CHRM3: variants seen among roughly 807,000 people sequenced by gnomAD.
The protein encoded by CHRM3 is cholinergic receptor muscarinic 3.
A neutral mutation model predicts 41.8 loss-of-function variants in CHRM3; 11 were observed. That is an observed-to-expected ratio of 0.26 (90% CI 0.17 to 0.44). The LOEUF (loss-of-function observed/expected upper bound fraction) is 0.44, where lower values mean the gene tolerates loss of function less well. CHRM3 is among the 20% of genes least tolerant of loss of function. The pLI is 1.00. For synonymous variants in CHRM3, 297 were observed against 301.4 expected, an observed-to-expected ratio of 0.99 and a Z score of 0.15; for missense variants, 571 against 745.4, an observed-to-expected ratio of 0.77 and a Z score of 2.72.
intron 6 of CHRM3, among the ~76,000 whole-genome samples, chr1:239,888,493 T>C (rs1326847305): frequency 6.6e-6 from 1 of 151,198 alleles, no homozygotes; most frequent in Non-Finnish European, 1.5e-5. Flanking sequence ...CTCAGGAGGC[T>C]GAGGCAGGAG....
At chr1:239,636,075 T>G (rs1035113236) in intron 4 of CHRM3, among the ~76,000 whole-genome samples, 3 of 152,164 alleles carry the variant, frequency 2.0e-5, no homozygotes, top group Non-Finnish European at 4.4e-5. Context: ...GGATCTTTAC[T>G]CAGTGGCATT....
intron 5 of CHRM3, among the ~76,000 whole-genome samples, chr1:239,809,630 TG>T (rs1670955044): frequency 6.6e-6 from 1 of 152,218 alleles, no homozygotes; most frequent in South Asian, 2.1e-4. Context: ...CCCAAGTAGC[TG>T]GGACTACAGG....
intron 1 of CHRM3, among the ~76,000 whole-genome samples, chr1:239,487,478 C>T (rs1667251475): frequency 6.6e-6 from 1 of 151,864 alleles, no homozygotes; most frequent in Non-Finnish European, 1.5e-5. Context: ...ACAATAGCAA[C>T]AAAAAGTATA....
At chr1:239,570,255 C>A (rs1361220723) in intron 3 of CHRM3, among the ~76,000 whole-genome samples, 4 of 152,116 alleles carry the variant, frequency 2.6e-5, no homozygotes, top group African/African-American at 9.7e-5. Flanking sequence ...GTCCTTCCTG[C>A]CACCTTGTGA....
chr1:239,835,003 C>T (rs377704499), intron 6 of CHRM3, among the ~76,000 whole-genome samples: 2 of 152,038 alleles, frequency 1.3e-5, no homozygotes, highest in Admixed American at 6.6e-5. Context: ...TGGTTATAGG[C>T]GAATTAGTTC....
chr1:239,901,813 G>T (rs1017452540), intron 6 of CHRM3, among the ~76,000 whole-genome samples: 1 of 152,078 alleles, frequency 6.6e-6, no homozygotes, highest in Non-Finnish European at 1.5e-5. Context: ...TCAGTTAATA[G>T]CCTTGGGCGT....
At chr1:239,565,917 T>C (rs114387911) in intron 3 of CHRM3, among the ~76,000 whole-genome samples, 5,124 of 147,614 alleles carry the variant, frequency 0.035, 101 homozygotes, top group Middle Eastern at 0.056. Flanking sequence ...TTTCTTTTTT[T>C]TTTTTTTTTT....
At chr1:239,878,217 G>A (rs954600509) in intron 6 of CHRM3, among the ~76,000 whole-genome samples, 16 of 151,926 alleles carry the variant, frequency 1.1e-4, no homozygotes, top group African/African-American at 3.4e-4. Flanking sequence ...TCACCATAAT[G>A]TAGAAGCAGT....
At chr1:239,829,541 CA>C (rs1466793463) in intron 6 of CHRM3, among the ~76,000 whole-genome samples, 1 of 151,958 alleles carries the variant, frequency 6.6e-6, no homozygotes, top group East Asian at 1.9e-4. Flanking sequence ...CTTTCTATAC[CA>C]AAAAAGCATG....
chr1:239,667,001 G>T (rs962630812), intron 4 of CHRM3, among the ~76,000 whole-genome samples: 3 of 152,118 alleles, frequency 2.0e-5, no homozygotes, highest in Non-Finnish European at 4.4e-5. Context: ...GACACGATTT[G>T]TTCTTTTTTA....
chr1:239,570,531 CT>C (rs1661730602), intron 3 of CHRM3, among the ~76,000 whole-genome samples: 1 of 152,176 alleles, frequency 6.6e-6, no homozygotes, highest in South Asian at 2.1e-4. Flanking sequence ...ATGTTTGTTA[CT>C]AACATCAACT....
rs145288753 is a variant in CHRM3, at chr1:239,520,134, T to C, written c.-421-25507T>C. On this transcript the variant is annotated intron_variant, in intron 2 of 6. Transcript: ENST00000676153. ...CTCAGTCATTGCTGAGGAAGAATTA[T>C]TTTGTTTAACCCTCATAATATATTA... is the stretch of plus-strand genomic sequence containing the variant. Among the ~76,000 whole-genome samples the C allele has an allele frequency of 1.2e-4, 18 of 152,354 alleles. No individual in the cohort carries two copies. In the East Asian group the frequency reaches 1.5e-3, roughly 13 times the overall value.
At chr1:239,558,805 ACTT>A in intron 3 of CHRM3, among the ~76,000 whole-genome samples, 1 of 152,312 alleles carries the variant, frequency 6.6e-6, no homozygotes, top group East Asian at 1.9e-4. Context: ...ACCTGAGTCA[ACTT>A]CTTGCTTTAT....
intron 5 of CHRM3, among the ~76,000 whole-genome samples, chr1:239,780,282 A>C (rs547831361): frequency 5.3e-5 from 8 of 152,116 alleles, no homozygotes; most frequent in Non-Finnish European, 1.0e-4. Flanking sequence ...CCATATCCTC[A>C]CCAACATTTG....
At chr1:239,551,811 C>T (rs990454236) in intron 3 of CHRM3, among the ~76,000 whole-genome samples, 1 of 152,092 alleles carries the variant, frequency 6.6e-6, no homozygotes, top group African/African-American at 2.4e-5. Context: ...ACTCAGATTT[C>T]ACAGATGGCT....
intron 2 of CHRM3, among the ~76,000 whole-genome samples, chr1:239,524,430 A>ATT (rs1216563087): frequency 6.8e-6 from 1 of 147,466 alleles, no homozygotes; most frequent in African/African-American, 2.5e-5. Flanking sequence ...GTGGTAGTTT[A>ATT]TTTTTTTTTT....
At chr1:239,483,432 A>G (rs1666990626) in intron 1 of CHRM3, among the ~76,000 whole-genome samples, 2 of 152,170 alleles carry the variant, frequency 1.3e-5, no homozygotes, top group African/African-American at 4.8e-5. Context: ...GCTCTTCACT[A>G]TTGGACTTCC....
intron 6 of CHRM3, among the ~76,000 whole-genome samples, chr1:239,850,406 G>A (rs1055905239): frequency 2.0e-5 from 3 of 152,084 alleles, no homozygotes; most frequent in African/African-American, 7.2e-5. Flanking sequence ...GGAGGAGGTG[G>A]AAGTGGAGGC....
intron 2 of CHRM3, among the ~76,000 whole-genome samples, chr1:239,526,736 G>C (rs564790258): frequency 6.6e-6 from 1 of 152,176 alleles, no homozygotes; most frequent in African/African-American, 2.4e-5. Context: ...TTTTCCTTCA[G>C]CTTCAAACCA....
Sources: gnomAD v4.1 joint callset for allele counts (sites outside exome capture counted in the v4.1 genomes callset) on GRCh38, gnomAD v4.1.1 for gene constraint, MANE v1.5 for transcripts, NCBI Gene and HGNC (gene_info 2026-07-23, HGNC 2026-07-21) for gene names.